MYT1L: variants seen among roughly 807,000 people sequenced by gnomAD.
The protein encoded by MYT1L is myelin transcription factor 1-like protein.
In MYT1L, 12 loss-of-function variants were observed where a neutral mutation model predicts 126.7. The observed-to-expected ratio is 0.09, with a 90% confidence interval of 0.06 to 0.15. The LOEUF (loss-of-function observed/expected upper bound fraction) is 0.15. Ranked by LOEUF, MYT1L falls within the 10% of genes least tolerant of loss-of-function variation. MYT1L has a pLI of 1.00. For synonymous variants in MYT1L, 541 were observed against 604.2 expected (o/e 0.90, Z 1.53); for missense variants, 979 against 1,585.2 (o/e 0.62, Z 6.49).
intron 2 of MYT1L, among the ~76,000 whole-genome samples, chr2:2,183,622 AT>A (rs2091775639): frequency 6.6e-6 from 1 of 152,190 alleles, no homozygotes; most frequent in Non-Finnish European, 1.5e-5. Flanking sequence ...TTTAGCACAT[AT>A]TCTTCATAGT....
At chr2:2,327,561 A>T (rs13411982) in intron 1 of MYT1L, among the ~76,000 whole-genome samples, 50,613 of 152,144 alleles carry the variant, frequency 0.33, 8,762 homozygotes, top group South Asian at 0.48. Context: ...TGGAGTAATT[A>T]GATTATAAAA....
chr2:2,276,533 A>C (rs2095361760), intron 2 of MYT1L, among the ~76,000 whole-genome samples: 1 of 152,132 alleles, frequency 6.6e-6, no homozygotes. Flanking sequence ...GGAAGACTCC[A>C]GTTATTTGTT....
intron 4 of MYT1L, among the ~76,000 whole-genome samples, chr2:2,033,295 A>C (rs2066599563): frequency 1.6e-5 from 2 of 125,166 alleles, no homozygotes; most frequent in Non-Finnish European, 3.3e-5. Flanking sequence ...CCCAGAGCAG[A>C]TTCTAGAAGG....
At chr2:1,952,721 T>C (rs1237002146) in intron 8 of MYT1L, among the ~76,000 whole-genome samples, 1 of 52,900 alleles carries the variant, frequency 1.9e-5, no homozygotes. Flanking sequence ...CTTCCCTCCT[T>C]CCTTCCCTTC....
chr2:2,276,618 A>T (rs1453501838), intron 2 of MYT1L, among the ~76,000 whole-genome samples: 1 of 152,150 alleles, frequency 6.6e-6, no homozygotes, highest in Non-Finnish European at 1.5e-5. Context: ...GCTGGTTGTC[A>T]CATGCAACGA....
At chr2:2,078,631 GAAGAC>G (rs2075476122) in intron 3 of MYT1L, among the ~76,000 whole-genome samples, 1 of 152,116 alleles carries the variant, frequency 6.6e-6, no homozygotes, top group African/African-American at 2.4e-5. Context: ...AATGAGTCAA[GAAGAC>G]ATAACAATTA....
At chr2:1,928,176 G>A (rs1213549387) in intron 9 of MYT1L, among the ~76,000 whole-genome samples, 1 of 152,204 alleles carries the variant, frequency 6.6e-6, no homozygotes, top group Non-Finnish European at 1.5e-5. Context: ...TCGTCTCAAA[G>A]TGATCTGCCT....
intron 4 of MYT1L, among the ~76,000 whole-genome samples, chr2:2,050,464 C>T (rs2068703178): frequency 6.6e-6 from 1 of 152,124 alleles, no homozygotes; most frequent in African/African-American, 2.4e-5. Flanking sequence ...GTGATTTTCT[C>T]TTTGGGCTCT....
chr2:2,289,470 A>G (rs975260621), intron 1 of MYT1L, among the ~76,000 whole-genome samples: 2 of 152,238 alleles, frequency 1.3e-5, no homozygotes, highest in Admixed American at 6.5e-5. Flanking sequence ...TATCTTATAG[A>G]AAAGCTGGGC....
chr2:1,854,380 G>A (rs1243061074), intron 18 of MYT1L, among the ~76,000 whole-genome samples: 2 of 152,058 alleles, frequency 1.3e-5, no homozygotes, highest in East Asian at 1.9e-4. Context: ...CATATGGAGG[G>A]CTCTACCCAA....
At chr2:1,911,578 C>T (rs2149028204) in intron 12 of MYT1L, among the ~76,000 whole-genome samples, 1 of 152,256 alleles carries the variant, frequency 6.6e-6, no homozygotes, top group East Asian at 1.9e-4. Flanking sequence ...ACCTGCTAAA[C>T]ATCTGCAGGT....
At chr2:1,803,402 C>T (rs573809924) in intron 22 of MYT1L, among the ~76,000 whole-genome samples, 8 of 152,266 alleles carry the variant, frequency 5.3e-5, no homozygotes, top group East Asian at 1.9e-4. Context: ...AATCCCATCT[C>T]GCAGAGGCCT....
chr2:2,302,442 C>A (rs1208203909), intron 1 of MYT1L, among the ~76,000 whole-genome samples: 1 of 152,284 alleles, frequency 6.6e-6, no homozygotes, highest in Non-Finnish European at 1.5e-5. Flanking sequence ...AAATGTGGGG[C>A]CACTTTTCCT....
chr2:2,130,618 G>A (rs540666559), intron 3 of MYT1L, among the ~76,000 whole-genome samples: 1 of 152,224 alleles, frequency 6.6e-6, no homozygotes, highest in East Asian at 1.9e-4. Context: ...AAGTGAGATA[G>A]GGCAGGTCAT....
intron 18 of MYT1L, among the ~76,000 whole-genome samples, chr2:1,877,936 GGA>G (rs920948290): frequency 1.3e-5 from 2 of 152,212 alleles, no homozygotes; most frequent in Non-Finnish European, 2.9e-5. Flanking sequence ...AGCAAGCTTG[GGA>G]GAGAAATATC....
intron 2 of MYT1L, among the ~76,000 whole-genome samples, chr2:2,178,469 G>A (rs1033466915): frequency 6.6e-6 from 1 of 152,148 alleles, no homozygotes. Flanking sequence ...GAAGAGCAAA[G>A]AAAAATAGAG....
intron 5 of MYT1L, among the ~76,000 whole-genome samples, chr2:1,989,234 C>G (rs1381892388): frequency 6.6e-6 from 1 of 152,054 alleles, no homozygotes; most frequent in African/African-American, 2.4e-5. Context: ...TCAACTAATT[C>G]TTCATTTTTA....
chr2:1,914,521 G>A (rs1030616002), intron 11 of MYT1L, among the ~76,000 whole-genome samples: 7 of 151,992 alleles, frequency 4.6e-5, no homozygotes, highest in Non-Finnish European at 7.4e-5. Flanking sequence ...CTCCAAGGAC[G>A]GTATCCAGGT....
At chr2:1,928,604 ACGC>A (rs1290367291) in intron 9 of MYT1L, among the ~76,000 whole-genome samples, 2 of 152,142 alleles carry the variant, frequency 1.3e-5, no homozygotes, top group African/African-American at 4.8e-5. Flanking sequence ...GTAGAGAGTA[ACGC>A]CGCTCCCTTC....
Sources: allele counts gnomAD v4.1 joint callset (sites outside exome capture counted in the v4.1 genomes callset), GRCh38; gene constraint gnomAD v4.1.1; transcripts MANE v1.5; gene names NCBI Gene and HGNC (gene_info 2026-07-23, HGNC 2026-07-21).